Variants in KLRG1 observed in about 807,000 individuals in gnomAD.
The protein encoded by KLRG1 is killer cell lectin-like receptor subfamily G member 1.
A neutral mutation model predicts 21.8 loss-of-function variants in KLRG1; 16 were observed. The ratio of observed to expected loss-of-function variants is 0.73; its 90% CI spans 0.50 to 1.11. KLRG1 has a LOEUF of 1.11. Among genes scored for constraint, KLRG1 ranks in the 50% most tolerant of loss-of-function variants. The pLI, the probability that KLRG1 is intolerant of heterozygous loss-of-function variation, is 0.00. For missense variants in KLRG1, 173 were observed against 218.3 expected, an observed-to-expected ratio of 0.79 and a Z score of 1.31; for synonymous variants, 69 against 75.9, an observed-to-expected ratio of 0.91 and a Z score of 0.47.
chr12:9,145,058 T>G, the KLRG1 span, among the ~76,000 whole-genome samples: 1 of 152,242 alleles, frequency 6.6e-6, no homozygotes, highest in East Asian at 1.9e-4. Flanking sequence ...AGCCTATGTG[T>G]GTTCTTAAAT....
the KLRG1 span, among the ~76,000 whole-genome samples, chr12:9,186,913 TG>T: frequency 1.3e-5 from 2 of 151,776 alleles, no homozygotes; most frequent in Non-Finnish European, 2.9e-5. Context: ...GACAGGCTGA[TG>T]GGTGCAGCAA....
the KLRG1 span, chr12:9,192,465 T>C: frequency 6.5e-7 from 1 of 1,547,726 alleles, no homozygotes; most frequent in Non-Finnish European, 8.9e-7. Context: ...TTGACCACTT[T>C]TGTCCTACTG....
chr12:9,049,599 T>G, the KLRG1 span, among the ~76,000 whole-genome samples: 1 of 152,204 alleles, frequency 6.6e-6, no homozygotes, highest in African/African-American at 2.4e-5. Flanking sequence ...TCTTCTCATT[T>G]CAGGTTTCTA....
chr12:9,157,805 CAT>C, the KLRG1 span: 1 of 1,614,008 alleles, frequency 6.2e-7, no homozygotes, highest in African/African-American at 1.3e-5. Context: ...GCAATAGTAA[CAT>C]AGGCGGAGAG....
chr12:8,978,964 T>G (rs1592252470), intron 1 of KLRG1, among the ~76,000 whole-genome samples: 1 of 150,232 alleles, frequency 6.7e-6, no homozygotes, highest in African/African-American at 2.5e-5. Flanking sequence ...ATCCACCTGC[T>G]TCAGCCTCCC....
chr12:9,085,870 T>C, the KLRG1 span, among the ~76,000 whole-genome samples: 2 of 152,074 alleles, frequency 1.3e-5, no homozygotes, highest in African/African-American at 2.4e-5. Flanking sequence ...TGCATAAGTA[T>C]ACACCAATAA....
the KLRG1 span, chr12:9,072,470 T>C: frequency 3.7e-6 from 6 of 1,611,848 alleles, no homozygotes; most frequent in Non-Finnish European, 5.1e-6. Flanking sequence ...TGGGAGAATA[T>C]TGTATTTCAA....
At chr12:8,981,802 T>C (rs776295286) in intron 1 of KLRG1, among the ~76,000 whole-genome samples, 1 of 152,182 alleles carries the variant, frequency 6.6e-6, no homozygotes, top group Non-Finnish European at 1.5e-5. Flanking sequence ...TTTTGTTTAA[T>C]AGTTTTATCA....
At chr12:9,008,566 G>C (rs142273387) in intron 3 of KLRG1, among the ~76,000 whole-genome samples, 23 of 152,330 alleles carry the variant, frequency 1.5e-4, no homozygotes, top group Admixed American at 3.9e-4. Flanking sequence ...CTGAAGGCTG[G>C]AAAATCCAAC....
At chr12:9,038,124 G>A in the KLRG1 span, among the ~76,000 whole-genome samples, 1 of 152,298 alleles carries the variant, frequency 6.6e-6, no homozygotes, top group African/African-American at 2.4e-5. Flanking sequence ...GGCTGGGTGT[G>A]GTGGTGCTTG....
At chr12:9,112,241 C>T in the KLRG1 span, 1 of 1,613,694 alleles carries the variant, frequency 6.2e-7, no homozygotes, top group Non-Finnish European at 8.5e-7. Context: ...CATGAGCCCC[C>T]AAACCCAAAG....
At chr12:8,985,738 A>G (rs1946833117), upstream of KLRG1, among the ~76,000 whole-genome samples, 1 of 152,158 alleles carries the variant, frequency 6.6e-6, no homozygotes, top group African/African-American at 2.4e-5. Flanking sequence ...TGGAGCTTCC[A>G]TGCCCTCTCT....
At chr12:9,117,499 G>T in the KLRG1 span, among the ~76,000 whole-genome samples, 11 of 152,184 alleles carry the variant, frequency 7.2e-5, no homozygotes, top group African/African-American at 2.7e-4. Context: ...GAGGAATAAA[G>T]GAAAATGTGT....
chr12:9,153,150 G>A, the KLRG1 span: 22 of 1,614,150 alleles, frequency 1.4e-5, no homozygotes, highest in South Asian at 2.4e-4. Flanking sequence ...TCTTTCCCCA[G>A]TTACTGTTAT....
chr12:9,048,278 C>A, the KLRG1 span, among the ~76,000 whole-genome samples: 1 of 151,836 alleles, frequency 6.6e-6, no homozygotes, highest in Non-Finnish European at 1.5e-5. Context: ...ACATATAGGC[C>A]CAAGAAGTCT....
the KLRG1 span, among the ~76,000 whole-genome samples, chr12:9,053,010 G>T: frequency 0.026 from 4,025 of 152,194 alleles, 160 homozygotes; most frequent in African/African-American, 0.091. Context: ...GTTCAACCTC[G>T]TTTTGTTATA....
intron 1 of KLRG1, among the ~76,000 whole-genome samples, chr12:8,975,123 C>T (rs1438044000): frequency 6.6e-6 from 1 of 152,098 alleles, no homozygotes; most frequent in African/African-American, 2.4e-5. Context: ...TGGCCTCAAA[C>T]TCCTGACCTC....
the KLRG1 span, among the ~76,000 whole-genome samples, chr12:9,208,918 G>A: frequency 2.8e-4 from 43 of 152,126 alleles, no homozygotes; most frequent in African/African-American, 1.0e-3. Context: ...TTTTAGAAAG[G>A]AGTTATCAAA....
rs1947091014 is a variant in KLRG1 at position 8,995,127 on chromosome 12, T to C, written c.196T>C (p.Tyr66His). Residue 66 changes from tyrosine to histidine, a missense_variant, in exon 3 of 5, where the codon TAC becomes CAC. Physicochemically the swap from Tyr to His is moderately conservative, Grantham distance 83. Around this residue, in one of 3 missense-constraint regions of KLRG1, gnomAD observed 144 missense variants for 161.5 expected, o/e 0.89. Coordinates refer to ENST00000356986, the MANE Select transcript of KLRG1 (RefSeq NM_005810.4). ...GTCCTCTTCTCTCCTAGGCTCCAAC[T>C]ACTCCACTTGTGCCAGCTGTCCTAG... Reference protein sequence around the residue: ...YQWILCQGSNYSTCASCPSCP... With the variant: ...YQWILCQGSNHSTCASCPSCP... 5 of 1,604,226 alleles carry C rather than the reference T, an allele frequency of 3.1e-6. No homozygotes were observed. The highest frequency in any genetic ancestry group is 1.7e-5 in the Admixed American group (1 of 57,966).
Sources: gnomAD v4.1 joint callset for allele counts (sites outside exome capture counted in the v4.1 genomes callset) on GRCh38, gnomAD v4.1.1 for gene constraint, gnomAD v4.1.1 regional missense constraint, MANE v1.5 for transcripts, NCBI Gene and HGNC (gene_info 2026-07-23, HGNC 2026-07-21) for gene names.